The following HEATR5B variants were observed in gnomAD, a reference collection of about 807,000 sequenced individuals.
HEATR5B encodes the protein HEAT repeat containing 5B, also known as HEAT repeat-containing protein 5B.
HEATR5B carries 156 observed loss-of-function variants against 224.1 expected under a neutral mutation model. The observed-to-expected ratio is 0.70, with a 90% CI of 0.61 to 0.80. HEATR5B has a LOEUF of 0.80. Ranked by LOEUF, HEATR5B falls within the 30% of genes least tolerant of loss-of-function variation. HEATR5B has a pLI of 0.00. For missense variants in HEATR5B, 2,323 were observed against 2,535.5 expected (o/e 0.92, Z 1.80); for synonymous variants, 1,027 against 893.0 (o/e 1.15, Z -2.68).
chr2:37,070,483 A>C, intron 6 of HEATR5B, 96 bp from the exon 7 acceptor site: 1 of 856,954 alleles, frequency 1.2e-6, no homozygotes, highest in Non-Finnish European at 1.7e-6. Context: ...CTTTACTACA[A>C]TGGGGAAATG....
intron 18 of HEATR5B, among the ~76,000 whole-genome samples, chr2:37,046,312 A>C (rs1670187918): frequency 6.6e-6 from 1 of 152,176 alleles, no homozygotes; most frequent in Non-Finnish European, 1.5e-5. Context: ...TTAATAAGCT[A>C]TCCACAACCA....
At chr2:37,056,355 C>A in intron 16 of HEATR5B, 85 bp downstream of exon 16, 2 of 865,594 alleles carry the variant, frequency 2.3e-6, no homozygotes, top group East Asian at 5.6e-5. Context: ...CACTTTATTG[C>A]AGAGTTAACT....
rs556230245 is a variant in HEATR5B at position 37,062,108 on chromosome 2, A to C, written c.1585-58T>G. 137 of 1,014,754 alleles carry C rather than the reference A, an allele frequency of 1.4e-4. 1 individual carries two copies. In the South Asian group the frequency reaches 1.6e-3, roughly 12 times the overall value. 62.9% of individuals were successfully genotyped at this position (1,014,754 alleles called of 1,614,324 possible). A position where few individuals can be genotyped will look rare whatever the true frequency, so the allele number is the denominator to read the frequency against. Reference sequence around the variant, plus strand: ...CAAACAAGTTAAATTAAATAAGGAAACAGATAACTAGCATACATTACTTAA... The same window carrying C: ...CAAACAAGTTAAATTAAATAAGGAACCAGATAACTAGCATACATTACTTAA... On this transcript the variant is annotated intron_variant, in intron 10 of 35. Transcript: ENST00000233099.
intron 18 of HEATR5B, among the ~76,000 whole-genome samples, chr2:37,047,645 G>T (rs1019072470): frequency 6.6e-6 from 1 of 152,118 alleles, no homozygotes; most frequent in African/African-American, 2.4e-5. Context: ...ACCTAGAATG[G>T]TTTACAGAAT....
At chr2:37,068,001 T>C (rs965817162) in intron 8 of HEATR5B, among the ~76,000 whole-genome samples, 10 of 152,114 alleles carry the variant, frequency 6.6e-5, no homozygotes, top group Non-Finnish European at 1.0e-4. Flanking sequence ...TAGTGAATAA[T>C]AGTGAAAAAA....
intron 30 of HEATR5B, among the ~76,000 whole-genome samples, chr2:37,004,360 C>A (rs1390151268): frequency 1.3e-5 from 2 of 150,200 alleles, no homozygotes; most frequent in African/African-American, 4.9e-5. Context: ...GATCATATCT[C>A]GTATGTTTTC....
In HEATR5B at chr2:36,981,216, T is replaced by G. The variant is rs1665558459; in HGVS notation, c.*274A>C. On this transcript the variant is annotated 3_prime_UTR_variant, in exon 36 of 36. Coordinates refer to ENST00000233099, the MANE Select transcript of HEATR5B (RefSeq NM_019024.3). ...ATACAATTGTTTTTAGCATTTAAAT[T>G]TAAGACTATGGCTCAGTGTTTGAAA... is the stretch of plus-strand genomic sequence containing the variant. 1 of 290,726 alleles carries G rather than the reference T, an allele frequency of 3.4e-6. No individual in the cohort carries two copies. Among genetic ancestry groups the G allele is most frequent in the African/African-American group, 2.2e-5 (1 of 45,990 alleles). 18.0% of individuals were successfully genotyped at this position (290,726 alleles called of 1,614,324 possible). A position where few individuals can be genotyped will look rare whatever the true frequency, so the allele number is the denominator to read the frequency against.
intron 8 of HEATR5B, among the ~76,000 whole-genome samples, chr2:37,068,205 A>T (rs1376467369): frequency 6.6e-6 from 1 of 152,224 alleles, no homozygotes; most frequent in East Asian, 1.9e-4. Flanking sequence ...TATTTTAGAA[A>T]AGAATTTCTT....
In HEATR5B at chr2:37,075,498, C is replaced by A. The variant is rs1447147212; in HGVS notation, c.584G>T (p.Cys195Phe). 17 of 1,612,690 alleles carry A rather than the reference C, an allele frequency of 1.1e-5. No homozygotes were observed. Among genetic ancestry groups the A allele is most frequent in the Middle Eastern group, 1.6e-4 (1 of 6,078 alleles). ...LLTDRSMAVR[C>F]AVAKCLLELQ... ...TCGAGTACTAACCTTGGCCACTGCA[C>A]ATCGAACAGCCATTGACCTATCAGT... The change falls in exon 5 of 36, where the codon TGT becomes TTT. Residue 195 changes from cysteine (C) to phenylalanine (F), a missense_variant. Cys to Phe is a radical substitution (Grantham distance 205, BLOSUM62 -2). Coordinates refer to ENST00000233099, the MANE Select transcript of HEATR5B (RefSeq NM_019024.3).
chr2:37,012,660 G>A lies in HEATR5B; in HGVS notation c.4284+1181C>T, dbSNP rs565995029. Among the ~76,000 whole-genome samples, 12 of 152,312 alleles carry A rather than the reference G, an allele frequency of 7.9e-5. No homozygotes were observed. The East Asian group carries it at 2.3e-3, about 29-fold the overall frequency. ...CTGCCTCGGCCTCCCAAAGTGCTGG[G>A]ATTACAGGTGTGAGCCACCACGCCT... On this transcript the variant is annotated intron_variant, in intron 27 of 35. Coordinates refer to ENST00000233099, the MANE Select transcript of HEATR5B (RefSeq NM_019024.3).
chr2:37,057,682 AG>A (rs1312984180), intron 14 of HEATR5B, among the ~76,000 whole-genome samples: 1 of 152,180 alleles, frequency 6.6e-6, no homozygotes, highest in East Asian at 1.9e-4. Flanking sequence ...TGTGTCTTTT[AG>A]CCCAAATTAT....
chr2:37,070,736 A>G (rs1671855113), intron 6 of HEATR5B, among the ~76,000 whole-genome samples: 1 of 152,214 alleles, frequency 6.6e-6, no homozygotes, highest in South Asian at 2.1e-4. Flanking sequence ...GACACAAAAA[A>G]CTTTTCTCAT....
chr2:37,080,931 T>C (rs1284705665), intron 2 of HEATR5B, among the ~76,000 whole-genome samples: 1 of 152,148 alleles, frequency 6.6e-6, no homozygotes, highest in Admixed American at 6.5e-5. Flanking sequence ...ATGATAACAA[T>C]CTTATTGTTT....
At position 36,981,714 on chromosome 2, in the gene HEATR5B, C is replaced by G. The variant is rs779482104; in HGVS notation, c.5992G>C (p.Ala1998Pro). 6.2e-7 allele frequency: 1 copy of G among 1,613,992 alleles called. No homozygotes were observed. Among genetic ancestry groups the G allele is most frequent in the Non-Finnish European group, 8.5e-7 (1 of 1,179,968 alleles). The stretch of plus-strand genomic sequence containing the variant: ...GCAAACTCATGAAGATCTTTGGAAG[C>G]TGAACTTGCTGAGGCAAAAGAATTT... ...DENSFASASSASKDLHEFALQ... is the reference protein window; with the variant it reads ...DENSFASASSPSKDLHEFALQ... The change falls in exon 36 of 36, where the codon GCT (alanine) becomes CCT (proline). Residue 1998 changes from alanine (A) to proline (P), a missense_variant. Physicochemically the swap from Ala to Pro is conservative, Grantham distance 27. This residue lies in a region of HEATR5B where 844 missense variants were observed against 812.9 expected (regional missense o/e 1.04). Transcript: ENST00000233099.
intron 18 of HEATR5B, among the ~76,000 whole-genome samples, chr2:37,042,567 G>A (rs1289756697): frequency 6.6e-6 from 1 of 152,202 alleles, no homozygotes; most frequent in African/African-American, 2.4e-5. Flanking sequence ...AAAGATATCA[G>A]CAGTTTACAA....
chr2:37,038,057 A>C (rs1202723638), intron 20 of HEATR5B, 33 bp from the exon 21 acceptor site: 1 of 1,329,426 alleles, frequency 7.5e-7, no homozygotes, highest in Non-Finnish European at 1.0e-6. Flanking sequence ...ATAAAATATA[A>C]TTATTTTATT....
At chr2:37,075,670 A>C (rs1672184957) in intron 4 of HEATR5B, 36 bp from the exon 5 acceptor site, 1 of 1,531,336 alleles carries the variant, frequency 6.5e-7, no homozygotes, top group African/African-American at 1.4e-5. Flanking sequence ...ATTTTGTAAA[A>C]TAAATTCCAT....
In HEATR5B at chr2:37,000,606, A is replaced by G; in HGVS notation, c.5525T>C (p.Ile1842Thr). The change falls in exon 33 of 36, where the codon ATC becomes ACC. Residue 1842 changes from isoleucine (I) to threonine (T), a missense_variant. Coordinates refer to ENST00000233099, the MANE Select transcript of HEATR5B (RefSeq NM_019024.3). ...TALIRSTLAC[I>T]LEYSQPEDSV... Reference sequence around the variant, plus strand: ...GTTACCTGGTTGAGAATATTCCAGGATGCAAGCAAGCGTGCTACGAATCAG... The same window carrying G: ...GTTACCTGGTTGAGAATATTCCAGGGTGCAAGCAAGCGTGCTACGAATCAG... 1 of 1,614,188 alleles carries G rather than the reference A, an allele frequency of 6.2e-7. No homozygotes were observed. The highest frequency in any genetic ancestry group is 2.2e-5 in the East Asian group (1 of 44,886).
In HEATR5B at chr2:37,037,786, TA is replaced by T. The variant is rs1558327052; in HGVS notation, c.3216+68del. The T allele has an allele frequency of 4.9e-6, 6 of 1,212,718 alleles. No individual in the cohort carries two copies. The South Asian group carries it at 1.0e-4, about 21-fold the overall frequency. The allele number at this position is 1,212,718 out of a possible 1,614,324, so 75.1% of individuals were successfully genotyped here. On this transcript the variant is annotated intron_variant, in intron 21 of 35. Coordinates refer to ENST00000233099, the MANE Select transcript of HEATR5B (RefSeq NM_019024.3). ...AATATATATAGCTAGTATGTATCCA[TA>T]AAAAATTTTTTAAATGTAAAATAAA...
Sources: allele counts gnomAD v4.1 joint callset (sites outside exome capture counted in the v4.1 genomes callset), GRCh38; gene constraint gnomAD v4.1.1; regional missense constraint gnomAD v4.1.1; transcripts MANE v1.5; gene names NCBI Gene and HGNC (gene_info 2026-07-23, HGNC 2026-07-21).